SYNE3: variants seen among roughly 807,000 people sequenced by gnomAD.
SYNE3 encodes nesprin-3.
Under a neutral mutation model 111.2 loss-of-function variants are expected in SYNE3, and 100 were observed. The observed-to-expected ratio is 0.90, with a 90% CI of 0.77 to 1.06. The LOEUF is 1.06. Among genes scored for constraint, SYNE3 ranks in the 50% least tolerant of loss-of-function variants. The pLI, the probability that SYNE3 is intolerant of heterozygous loss-of-function variation, is 0.00. For synonymous variants in SYNE3, 547 were observed against 533.9 expected (o/e 1.02, Z -0.34); for missense variants, 1,160 against 1,240.3 (o/e 0.94, Z 0.97).
chr14:95,453,729 C>T (rs74079974), intron 6 of SYNE3, among the ~76,000 whole-genome samples: 4,865 of 152,230 alleles, frequency 0.032, 236 homozygotes, highest in African/African-American at 0.11. Context: ...AGAGGGTGAG[C>T]AAGACTGGGG....
At chr14:95,499,782 C>T (rs1890254460) in intron 1 of SYNE3, among the ~76,000 whole-genome samples, 1 of 151,430 alleles carries the variant, frequency 6.6e-6, no homozygotes, top group South Asian at 2.1e-4. Context: ...TTTAAATTGT[C>T]CTCATTCTGC....
chr14:95,437,518 C>T (rs1265304871), intron 14 of SYNE3, among the ~76,000 whole-genome samples: 1 of 152,244 alleles, frequency 6.6e-6, no homozygotes, highest in African/African-American at 2.4e-5. Context: ...ACACACCTCT[C>T]TCCCTCCTCT....
intron 1 of SYNE3, among the ~76,000 whole-genome samples, chr14:95,481,903 C>T (rs1889280377): frequency 6.6e-6 from 1 of 152,282 alleles, no homozygotes; most frequent in African/African-American, 2.4e-5. Context: ...ACGCCCGAGG[C>T]AGATCGCCTG....
At chr14:95,432,161 G>C in intron 16 of SYNE3, 44 bp from the exon 17 acceptor site, 1 of 1,586,554 alleles carries the variant, frequency 6.3e-7, no homozygotes, top group Non-Finnish European at 8.6e-7. Flanking sequence ...AAAAAAATAA[G>C]TTAAGTGAGT....
intron 1 of SYNE3, among the ~76,000 whole-genome samples, chr14:95,483,509 A>G (rs374066976): frequency 6.4e-4 from 98 of 152,166 alleles, no homozygotes; most frequent in South Asian, 1.7e-3. Context: ...GCTTTTTCCA[A>G]TGGATTCTGG....
intron 11 of SYNE3, among the ~76,000 whole-genome samples, chr14:95,441,224 C>T (rs886850951): frequency 3.9e-5 from 6 of 152,212 alleles, no homozygotes; most frequent in African/African-American, 1.4e-4. Flanking sequence ...GATACCAGGC[C>T]CATACCAGGG....
In SYNE3 at chr14:95,501,792, G is replaced by A. The variant is rs116314505; in HGVS notation, c.-15+14804C>T. 2.1e-3 allele frequency among the ~76,000 whole-genome samples: 320 copies of A among 152,322 alleles called. 1 individual carries two copies. The highest frequency in any genetic ancestry group is 7.5e-3 in the African/African-American group (312 of 41,550). ...AGCATCTGAGTAGTTTGTCCCCAGC[G>A]GGGAAGAAATGAAGGTGGAGAGTCT... is the stretch of plus-strand genomic sequence containing the variant. On this transcript the variant is annotated intron_variant, in intron 1 of 17. Coordinates refer to ENST00000682763, the MANE Select transcript of SYNE3 (RefSeq NM_152592.6).
chr14:95,440,126 G>T, intron 11 of SYNE3, 51 bp from the exon 12 acceptor site: 24 of 1,540,028 alleles, frequency 1.6e-5, no homozygotes, highest in Non-Finnish European at 2.1e-5. Flanking sequence ...GGCCGAGGGG[G>T]AGACCCCCGC....
intron 2 of SYNE3, among the ~76,000 whole-genome samples, chr14:95,475,400 G>A (rs192026617): frequency 2.6e-4 from 40 of 152,356 alleles, no homozygotes; most frequent in South Asian, 1.7e-3. Flanking sequence ...AGGATGAGAG[G>A]ACAGGCTCTA....
intron 17 of SYNE3, among the ~76,000 whole-genome samples, chr14:95,426,407 C>T (rs1445886112): frequency 6.6e-6 from 1 of 152,172 alleles, no homozygotes; most frequent in Non-Finnish European, 1.5e-5. Flanking sequence ...GGGGTAAAAA[C>T]TCAACCTATG....
chr14:95,420,218 T>A (rs1014822744), intron 17 of SYNE3, among the ~76,000 whole-genome samples: 9 of 151,978 alleles, frequency 5.9e-5, no homozygotes, highest in African/African-American at 1.9e-4. Context: ...GGGTGACACA[T>A]TGTTTAAGCG....
chr14:95,462,751 A>AGTT (rs1477832657), intron 4 of SYNE3, among the ~76,000 whole-genome samples: 1 of 152,196 alleles, frequency 6.6e-6, no homozygotes, highest in East Asian at 1.9e-4. Context: ...GCAGACACTA[A>AGTT]CGCAGGACCT....
intron 8 of SYNE3, among the ~76,000 whole-genome samples, chr14:95,449,098 G>A (rs1886892639): frequency 6.6e-6 from 1 of 152,146 alleles, no homozygotes; most frequent in Admixed American, 6.5e-5. Flanking sequence ...GAGACAGTAT[G>A]TACAGGCACA....
Position 95,457,192 on chromosome 14 carries a change from G to A in SYNE3, c.774C>T (p.Arg258=). 1.2e-6 allele frequency: 2 copies of A among 1,613,784 alleles called. No individual in the cohort carries two copies. The highest frequency in any genetic ancestry group is 1.7e-6 in the Non-Finnish European group (2 of 1,179,898). Residue 258 remains arginine, a synonymous_variant, in exon 5 of 18, where the codon CGC becomes CGT. Coordinates refer to ENST00000682763, the MANE Select transcript of SYNE3 (RefSeq NM_152592.6). ...TGGGGATTACCTGCAGTGTGGAGAG[G>A]CGCTGCGTGATGGGCAGCTTGCAGT... is the stretch of plus-strand genomic sequence containing the variant. ...GRNCKLPITQ[R]LSTLQDIAKD... is the part of the protein sequence containing the mutation.
At chr14:95,462,485 C>T (rs1887894244) in intron 4 of SYNE3, among the ~76,000 whole-genome samples, 1 of 152,242 alleles carries the variant, frequency 6.6e-6, no homozygotes, top group Non-Finnish European at 1.5e-5. Context: ...ATTGACCAGC[C>T]ATCTGGCAAC....
At chr14:95,478,407 G>A (rs369529941) in intron 1 of SYNE3, among the ~76,000 whole-genome samples, 17 of 152,180 alleles carry the variant, frequency 1.1e-4, no homozygotes, top group Admixed American at 1.1e-3. Context: ...TGAGAGGGTC[G>A]ATGTTACTGT....
At chr14:95,464,999 T>G (rs190214152) in intron 4 of SYNE3, among the ~76,000 whole-genome samples, 5 of 152,340 alleles carry the variant, frequency 3.3e-5, no homozygotes, top group Admixed American at 2.0e-4. Flanking sequence ...CAGGGAGACA[T>G]AATACAGAAC....
intron 1 of SYNE3, among the ~76,000 whole-genome samples, chr14:95,482,836 T>C (rs1889339795): frequency 6.6e-6 from 1 of 152,222 alleles, no homozygotes. Context: ...ACATTATCCC[T>C]ACTTTACAGC....
chr14:95,429,542 A>G (rs897312638), intron 17 of SYNE3, among the ~76,000 whole-genome samples: 6 of 152,204 alleles, frequency 3.9e-5, no homozygotes, highest in African/African-American at 1.4e-4. Flanking sequence ...AAGCTGTCCT[A>G]TAAATGAGCC....
Sources: gnomAD v4.1 joint callset for allele counts (sites outside exome capture counted in the v4.1 genomes callset) on GRCh38, gnomAD v4.1.1 for gene constraint, MANE v1.5 for transcripts, NCBI Gene and HGNC (gene_info 2026-07-23, HGNC 2026-07-21) for gene names.